INPP4B: variants seen among roughly 807,000 people sequenced by gnomAD.
INPP4B encodes inositol polyphosphate 4-phosphatase type II.
Under a neutral mutation model 122.5 loss-of-function variants are expected in INPP4B, and 55 were observed. That is an observed-to-expected ratio of 0.45 (90% CI 0.36 to 0.56). The LOEUF (loss-of-function observed/expected upper bound fraction) is 0.56. INPP4B is among the 20% of genes least tolerant of loss of function. The pLI is 0.00. For synonymous variants in INPP4B, 403 were observed against 388.7 expected (o/e 1.04, Z -0.43); for missense variants, 1,000 against 1,097.7 (o/e 0.91, Z 1.26).
At chr4:142,471,527 C>T (rs893227604) in intron 2 of INPP4B, among the ~76,000 whole-genome samples, 2 of 152,120 alleles carry the variant, frequency 1.3e-5, no homozygotes, top group East Asian at 3.9e-4. Flanking sequence ...AAATATATGG[C>T]CTAGGCTTTT....
chr4:142,511,366 A>G (rs1439246254), intron 2 of INPP4B, among the ~76,000 whole-genome samples: 1 of 152,198 alleles, frequency 6.6e-6, no homozygotes, highest in Non-Finnish European at 1.5e-5. Context: ...TACCCTTGAC[A>G]GTAATCCTAA....
intron 9 of INPP4B, among the ~76,000 whole-genome samples, chr4:142,279,319 G>A (rs920209477): frequency 1.3e-5 from 2 of 151,540 alleles, no homozygotes; most frequent in Admixed American, 6.6e-5. Flanking sequence ...CAAGTAACAA[G>A]GAAAGACAAA....
chr4:142,048,098 A>G (rs1013492519), intron 25 of INPP4B, among the ~76,000 whole-genome samples: 8 of 152,262 alleles, frequency 5.3e-5, no homozygotes, highest in Non-Finnish European at 8.8e-5. Context: ...AGGTAGGTAC[A>G]AAGATCCATT....
chr4:142,747,152 C>T (rs1768886490), intron 1 of INPP4B, among the ~76,000 whole-genome samples: 5 of 149,490 alleles, frequency 3.3e-5, no homozygotes, highest in African/African-American at 1.2e-4. Context: ...CCAAAATCTA[C>T]AAGGAATTTA....
chr4:142,793,376 G>A (rs1377067132), intron 1 of INPP4B, among the ~76,000 whole-genome samples: 1 of 152,062 alleles, frequency 6.6e-6, no homozygotes, highest in Non-Finnish European at 1.5e-5. Flanking sequence ...TAGAAACTCA[G>A]TTAGTGTTAA....
At chr4:142,660,616 A>G (rs1754998493) in intron 2 of INPP4B, among the ~76,000 whole-genome samples, 1 of 152,112 alleles carries the variant, frequency 6.6e-6, no homozygotes, top group Non-Finnish European at 1.5e-5. Context: ...CAGAAGCCCA[A>G]CATGCCACCA....
chr4:142,387,213 C>G (rs1374521508), intron 7 of INPP4B, among the ~76,000 whole-genome samples: 1 of 151,930 alleles, frequency 6.6e-6, no homozygotes, highest in Non-Finnish European at 1.5e-5. Context: ...ATTAAAAATT[C>G]GTGGGGATTT....
chr4:142,191,421 A>G (rs2149337463), intron 15 of INPP4B, among the ~76,000 whole-genome samples: 1 of 152,316 alleles, frequency 6.6e-6, no homozygotes, highest in East Asian at 1.9e-4. Context: ...GAAGAATGGT[A>G]CAGTAGGGAA....
At chr4:142,472,952 G>C (rs999002816) in intron 2 of INPP4B, among the ~76,000 whole-genome samples, 5 of 152,136 alleles carry the variant, frequency 3.3e-5, no homozygotes, top group African/African-American at 1.2e-4. Flanking sequence ...TAGAACTCTG[G>C]GAATACCAAT....
intron 2 of INPP4B, among the ~76,000 whole-genome samples, chr4:142,698,618 G>T (rs1761320226): frequency 6.6e-6 from 1 of 152,108 alleles, no homozygotes; most frequent in Non-Finnish European, 1.5e-5. Flanking sequence ...CTGGGTTTTG[G>T]CTAAAAACCT....
At chr4:142,514,952 T>C (rs1323561773) in intron 2 of INPP4B, among the ~76,000 whole-genome samples, 3 of 151,872 alleles carry the variant, frequency 2.0e-5, no homozygotes, top group African/African-American at 7.3e-5. Flanking sequence ...CCCACCACCA[T>C]GCCTGGCTAA....
chr4:142,283,032 A>G (rs1456585123), intron 9 of INPP4B, among the ~76,000 whole-genome samples: 1 of 152,116 alleles, frequency 6.6e-6, no homozygotes, highest in African/African-American at 2.4e-5. Context: ...TTGGGCTGCA[A>G]TATGGAAAAT....
chr4:142,193,935 A>G (rs934166208), intron 14 of INPP4B, among the ~76,000 whole-genome samples: 3 of 152,174 alleles, frequency 2.0e-5, no homozygotes, highest in Non-Finnish European at 2.9e-5. Flanking sequence ...AATGCAAAGT[A>G]TCCCCATAAG....
intron 17 of INPP4B, among the ~76,000 whole-genome samples, chr4:142,156,941 CA>C (rs1472856068): frequency 2.0e-5 from 3 of 151,932 alleles, no homozygotes; most frequent in African/African-American, 7.2e-5. Flanking sequence ...TTAAGTAAAA[CA>C]AACAAAAAAT....
At chr4:142,128,708 G>A (rs1799831267) in intron 18 of INPP4B, among the ~76,000 whole-genome samples, 1 of 152,104 alleles carries the variant, frequency 6.6e-6, no homozygotes, top group South Asian at 2.1e-4. Context: ...CTGTTTTCCA[G>A]CCCTCTACTT....
intron 2 of INPP4B, among the ~76,000 whole-genome samples, chr4:142,608,680 C>G (rs930751595): frequency 4.0e-5 from 6 of 151,650 alleles, no homozygotes; most frequent in Admixed American, 3.9e-4. Context: ...ACAACACCCT[C>G]CAAGACTTAT....
chr4:142,082,947 C>A (rs906010364), intron 24 of INPP4B, among the ~76,000 whole-genome samples: 1 of 152,038 alleles, frequency 6.6e-6, no homozygotes, highest in Non-Finnish European at 1.5e-5. Context: ...GGAAACATAA[C>A]AAAGCCTCCT....
intron 2 of INPP4B, among the ~76,000 whole-genome samples, chr4:142,602,279 G>A (rs1346396804): frequency 6.6e-6 from 1 of 152,074 alleles, no homozygotes; most frequent in East Asian, 1.9e-4. Context: ...AACATGGGAA[G>A]TGAAGGATCC....
intron 8 of INPP4B, 66 bp from the exon 9 acceptor site, chr4:142,305,603 A>G: frequency 2.6e-6 from 4 of 1,535,158 alleles, no homozygotes; most frequent in African/African-American, 1.4e-5. Context: ...TGTCACATCA[A>G]TCAAACAAAA....
Sources: gnomAD v4.1 joint callset for allele counts (sites outside exome capture counted in the v4.1 genomes callset) on GRCh38, gnomAD v4.1.1 for gene constraint, MANE v1.5 for transcripts, NCBI Gene and HGNC (gene_info 2026-07-23, HGNC 2026-07-21) for gene names.